Variants in EYA3 observed in about 807,000 individuals in gnomAD.
EYA3 encodes EYA transcriptional coactivator and phosphatase 3.
Under a neutral mutation model 80.0 loss-of-function variants are expected in EYA3, and 39 were observed. The ratio of observed to expected loss-of-function variants is 0.49; its 90% CI spans 0.38 to 0.64. The LOEUF (loss-of-function observed/expected upper bound fraction) is 0.64. EYA3 is among the 30% of genes least tolerant of loss of function. The pLI is 0.00. For synonymous variants in EYA3, 206 were observed against 232.8 expected (o/e 0.88, Z 1.05); for missense variants, 523 against 676.1 (o/e 0.77, Z 2.51).
intron 1 of EYA3, among the ~76,000 whole-genome samples, chr1:28,063,330 T>G (rs1324868335): frequency 3.4e-5 from 5 of 146,782 alleles, no homozygotes; most frequent in South Asian, 4.2e-4. Flanking sequence ...TAATTTTTTT[T>G]GGGGGGGGAA....
intron 2 of EYA3, 40 bp from the exon 3 acceptor site, chr1:28,048,466 C>G: frequency 6.5e-7 from 1 of 1,539,754 alleles, no homozygotes; most frequent in Non-Finnish European, 8.9e-7. Flanking sequence ...TGTACTTGAT[C>G]TGTTTTTTAA....
rs762322285 is a variant in EYA3, at chr1:28,048,379, A to G, written c.77+4T>C. 1.2e-6 allele frequency: 2 copies of G among 1,602,242 alleles called. No homozygotes were observed. The highest frequency in any genetic ancestry group is 1.7e-6 in the Non-Finnish European group (2 of 1,174,974). On this transcript the variant is annotated splice_donor_region_variant and intron_variant, in intron 3 of 17. Transcript: ENST00000373871. ...TCATTAAAAAGAAAGCAAACTTTAC[A>G]TACCTTATAGTTTGCTCTCCTGATT...
intron 13 of EYA3, among the ~76,000 whole-genome samples, chr1:27,995,006 A>T (rs188796705): frequency 3.0e-4 from 46 of 152,210 alleles, no homozygotes; most frequent in Admixed American, 2.7e-3. Flanking sequence ...CACTTAAAAA[A>T]TGATAAAGAT....
chr1:28,079,266 C>T (rs985666112), intron 1 of EYA3, among the ~76,000 whole-genome samples: 1 of 152,202 alleles, frequency 6.6e-6, no homozygotes, highest in East Asian at 1.9e-4. Flanking sequence ...ATTTCTACGC[C>T]CTTTCCCCCT....
chr1:27,994,557 C>T (rs943963433), intron 13 of EYA3, among the ~76,000 whole-genome samples: 3 of 152,044 alleles, frequency 2.0e-5, no homozygotes, highest in African/African-American at 7.2e-5. Context: ...TGTGGTGGCG[C>T]ATGCCTGTAG....
chr1:28,007,688 C>T (rs1189287845), intron 10 of EYA3, among the ~76,000 whole-genome samples: 1 of 152,040 alleles, frequency 6.6e-6, no homozygotes, highest in East Asian at 1.9e-4. Context: ...AATTTAAAAA[C>T]CTTTTGTGAT....
At chr1:28,049,708 C>T (rs907922650) in intron 2 of EYA3, among the ~76,000 whole-genome samples, 50 of 152,098 alleles carry the variant, frequency 3.3e-4, no homozygotes, top group South Asian at 4.1e-4. Context: ...GAAATATGAT[C>T]TGACCTAGAT....
intron 15 of EYA3, 69 bp from the exon 16 acceptor site, chr1:27,988,725 C>T: frequency 6.4e-7 from 1 of 1,555,900 alleles, no homozygotes; most frequent in Non-Finnish European, 8.8e-7. Flanking sequence ...TTCGTATGTG[C>T]CAACTCTTTA....
chr1:28,080,130 T>G (rs1039790874), intron 1 of EYA3, among the ~76,000 whole-genome samples: 5 of 148,356 alleles, frequency 3.4e-5, no homozygotes, highest in African/African-American at 1.2e-4. Flanking sequence ...AACCAGCAGT[T>G]TGTTTTAAAT....
At chr1:27,997,789 G>T (rs537299121) in intron 12 of EYA3, among the ~76,000 whole-genome samples, 24 of 152,238 alleles carry the variant, frequency 1.6e-4, no homozygotes, top group Non-Finnish European at 2.6e-4. Flanking sequence ...TCCTTACGTA[G>T]GTTGTGCCCA....
At chr1:28,065,640 A>T (rs1247684062) in intron 1 of EYA3, among the ~76,000 whole-genome samples, 1 of 151,902 alleles carries the variant, frequency 6.6e-6, no homozygotes, top group Non-Finnish European at 1.5e-5. Flanking sequence ...TTTTCACTTA[A>T]TGCACTTCTC....
intron 11 of EYA3, among the ~76,000 whole-genome samples, chr1:28,003,618 A>G (rs1641054659): frequency 1.3e-5 from 2 of 152,190 alleles, no homozygotes; most frequent in South Asian, 4.1e-4. Flanking sequence ...AAGTTGCCCA[A>G]GCTGGATTCG....
chr1:28,021,431 G>T (rs768479267), intron 7 of EYA3, among the ~76,000 whole-genome samples: 1 of 151,838 alleles, frequency 6.6e-6, no homozygotes, highest in Non-Finnish European at 1.5e-5. Flanking sequence ...TTACTCACTT[G>T]TTTTCTCCCC....
chr1:28,078,089 G>T (rs1246104858), intron 1 of EYA3, among the ~76,000 whole-genome samples: 1 of 151,892 alleles, frequency 6.6e-6, no homozygotes, highest in Admixed American at 6.6e-5. Flanking sequence ...GTTTGTTAAA[G>T]AAAAATAAAA....
At chr1:28,029,075 T>C (rs1642959416) in intron 6 of EYA3, among the ~76,000 whole-genome samples, 1 of 152,202 alleles carries the variant, frequency 6.6e-6, no homozygotes, top group Non-Finnish European at 1.5e-5. Context: ...CCTCTAAGAT[T>C]CATCTTTCCA....
At chr1:28,015,482 T>C (rs1641988937) in intron 8 of EYA3, among the ~76,000 whole-genome samples, 1 of 152,100 alleles carries the variant, frequency 6.6e-6, no homozygotes, top group Admixed American at 6.6e-5. Context: ...TGAGCAGAGA[T>C]TGCGCCACTG....
chr1:28,021,642 C>T (rs1642444935), intron 7 of EYA3, among the ~76,000 whole-genome samples: 1 of 151,418 alleles, frequency 6.6e-6, no homozygotes, highest in African/African-American at 2.4e-5. Flanking sequence ...CTCACTCTGT[C>T]ACCCCGGCTG....
At chr1:28,020,005 T>C (rs1395028395) in intron 7 of EYA3, among the ~76,000 whole-genome samples, 6 of 152,106 alleles carry the variant, frequency 3.9e-5, no homozygotes, top group African/African-American at 1.4e-4. Context: ...CCCGGCTACT[T>C]CTCCATAACT....
chr1:27,979,981 C>T lies in EYA3; in HGVS notation c.1541-1507G>A, dbSNP rs78085637. On this transcript the variant is annotated intron_variant, in intron 16 of 17. Transcript: ENST00000373871. Reference sequence around the variant, plus strand: ...TAACCCAGTGGCACTTCAAAACAGACGGACTAGTCAACTGGACCAGACACT... The same window carrying T: ...TAACCCAGTGGCACTTCAAAACAGATGGACTAGTCAACTGGACCAGACACT... Among the ~76,000 whole-genome samples the T allele has an allele frequency of 1.8e-4, 27 of 152,316 alleles. 1 individual carries two copies. In the East Asian group the frequency reaches 3.1e-3, roughly 17 times the overall value.
Sources: gnomAD v4.1 joint callset for allele counts (sites outside exome capture counted in the v4.1 genomes callset) on GRCh38, gnomAD v4.1.1 for gene constraint, MANE v1.5 for transcripts, NCBI Gene and HGNC (gene_info 2026-07-23, HGNC 2026-07-21) for gene names.